Variants in UBE2E1 observed in about 807,000 individuals in gnomAD.
UBE2E1 encodes the protein ubiquitin-conjugating enzyme E2 E1.
UBE2E1 carries 6 observed loss-of-function variants against 21.4 expected under a neutral mutation model. That is an observed-to-expected ratio of 0.28 (90% CI 0.15 to 0.55). The LOEUF (loss-of-function observed/expected upper bound fraction) is 0.55. UBE2E1 is among the 20% of genes least tolerant of loss of function. UBE2E1 has a pLI of 0.93. For synonymous variants in UBE2E1, 87 were observed against 82.7 expected (o/e 1.05, Z -0.28); for missense variants, 142 against 236.5 (o/e 0.60, Z 2.62).
chr3:23,874,738 T>C (rs1408955589), intron 3 of UBE2E1, among the ~76,000 whole-genome samples: 3 of 152,182 alleles, frequency 2.0e-5, no homozygotes, highest in African/African-American at 4.8e-5. Flanking sequence ...TGGATCCACC[T>C]TTATCCTGAC....
At chr3:23,833,032 T>TCC (rs1166995849) in intron 3 of UBE2E1, among the ~76,000 whole-genome samples, 1 of 152,150 alleles carries the variant, frequency 6.6e-6, no homozygotes, top group African/African-American at 2.4e-5. Flanking sequence ...AGACCCTGTC[T>TCC]CAAAAAGTGG....
At chr3:23,848,287 G>A (rs1700249944) in intron 3 of UBE2E1, among the ~76,000 whole-genome samples, 2 of 152,132 alleles carry the variant, frequency 1.3e-5, no homozygotes, top group South Asian at 4.1e-4. Context: ...TGGCCAACAT[G>A]ATGAAACCTT....
At chr3:23,869,387 A>G (rs1009872500) in intron 3 of UBE2E1, among the ~76,000 whole-genome samples, 1 of 105,066 alleles carries the variant, frequency 9.5e-6, no homozygotes, top group Non-Finnish European at 1.7e-5. Flanking sequence ...AGGATTTTCA[A>G]TTTTTATGTA....
chr3:23,821,494 A>G (rs1453195231), intron 3 of UBE2E1, among the ~76,000 whole-genome samples: 1 of 152,190 alleles, frequency 6.6e-6, no homozygotes, highest in Non-Finnish European at 1.5e-5. Flanking sequence ...GCTGCATGGA[A>G]AATAGCTGGG....
chr3:23,821,162 C>G (rs1439565417), intron 3 of UBE2E1, among the ~76,000 whole-genome samples: 2 of 152,170 alleles, frequency 1.3e-5, no homozygotes, highest in Admixed American at 1.3e-4. Flanking sequence ...GTAGACAGTG[C>G]AAACAGCAGC....
intron 3 of UBE2E1, among the ~76,000 whole-genome samples, chr3:23,886,655 TTC>T (rs1280620951): frequency 6.6e-6 from 1 of 152,210 alleles, no homozygotes; most frequent in Non-Finnish European, 1.5e-5. Context: ...TCTTCATCTC[TTC>T]TGTCTCTTAA....
rs151072856 is a variant in UBE2E1 at position 23,826,166 on chromosome 3, A to G, written c.203+14656A>G. 1.7e-4 allele frequency among the ~76,000 whole-genome samples: 26 copies of G among 152,342 alleles called. No individual in the cohort carries two copies. The East Asian group carries it at 5.0e-3, about 29-fold the overall frequency. On this transcript the variant is annotated intron_variant, in intron 3 of 5. Coordinates refer to ENST00000306627, the MANE Select transcript of UBE2E1 (RefSeq NM_003341.5). ...TATGCAGTTTTACTGACCTTTATGT[A>G]ACAGTTCTATTATATCTAGATATCT... is the stretch of plus-strand genomic sequence containing the variant.
Position 23,842,490 on chromosome 3 carries a change from T to C in UBE2E1, c.203+30980T>C. Among the ~76,000 whole-genome samples, 1 of 152,150 alleles carries C rather than the reference T, an allele frequency of 6.6e-6. No homozygotes were observed. Among genetic ancestry groups the C allele is most frequent in the Admixed American group, 6.6e-5 (1 of 15,264 alleles). The stretch of plus-strand genomic sequence containing the variant: ...TTCGTTTTTCTTTGAAGAATATACC[T>C]TTTTATTTTATTATCATTTGCTATA... On this transcript the variant is annotated intron_variant, in intron 3 of 5. Coordinates refer to ENST00000306627, the MANE Select transcript of UBE2E1 (RefSeq NM_003341.5). This position sits in a 1 kb window ranked among gnomAD's most constrained non-coding sequence, Gnocchi z 4.6.
intron 3 of UBE2E1, among the ~76,000 whole-genome samples, chr3:23,880,693 A>G (rs1701018128): frequency 6.6e-6 from 1 of 152,222 alleles, no homozygotes; most frequent in Non-Finnish European, 1.5e-5. Context: ...AGTCTGTAAT[A>G]AGTCTGTACT....
chr3:23,834,494 C>A (rs1267236353), intron 3 of UBE2E1, among the ~76,000 whole-genome samples: 2 of 152,196 alleles, frequency 1.3e-5, no homozygotes, highest in African/African-American at 4.8e-5. Flanking sequence ...TTCTAACCTT[C>A]CTTCCTCCTG....
rs1440951030 is a variant in UBE2E1, at chr3:23,807,047, G to T, written c.-33-190G>T. 5 of 459,978 alleles carry T rather than the reference G, an allele frequency of 1.1e-5. No individual in the cohort carries two copies. In the East Asian group the frequency reaches 1.7e-4, roughly 16 times the overall value. The allele number at this position is 459,978 out of a possible 1,614,324, so 28.5% of individuals were successfully genotyped here. A position where few individuals can be genotyped will look rare whatever the true frequency, so the allele number is the denominator to read the frequency against. ...GTTTTCCCACAGCGTTCCCCACTTG[G>T]GGCCAAAAATAAACAAGCCGCGTCC... is the stretch of plus-strand genomic sequence containing the variant. On this transcript the variant is annotated intron_variant, in intron 1 of 5. Transcript: ENST00000306627.
chr3:23,835,081 C>G (rs1699949607), intron 3 of UBE2E1, among the ~76,000 whole-genome samples: 1 of 152,260 alleles, frequency 6.6e-6, no homozygotes, highest in African/African-American at 2.4e-5. Context: ...TTGAGTTAAC[C>G]TGATCACCTA....
At chr3:23,828,284 C>T (rs1439841915) in intron 3 of UBE2E1, among the ~76,000 whole-genome samples, 3 of 152,156 alleles carry the variant, frequency 2.0e-5, no homozygotes, top group Non-Finnish European at 2.9e-5. Flanking sequence ...ATCACAGAAA[C>T]ATGTAGGCTG....
chr3:23,826,088 T>G (rs1699752824), intron 3 of UBE2E1, among the ~76,000 whole-genome samples: 1 of 152,188 alleles, frequency 6.6e-6, no homozygotes, highest in South Asian at 2.1e-4. Context: ...TTGAAAAAAT[T>G]GTATTAAAAA....
intron 3 of UBE2E1, among the ~76,000 whole-genome samples, chr3:23,840,195 A>C (rs2125299669): frequency 6.6e-6 from 1 of 152,200 alleles, no homozygotes. Flanking sequence ...GGTATTTATC[A>C]TTTTAAATTT....
intron 3 of UBE2E1, among the ~76,000 whole-genome samples, chr3:23,861,070 A>G (rs1450701178): frequency 1.3e-5 from 2 of 152,248 alleles, no homozygotes; most frequent in South Asian, 2.1e-4. Context: ...CACAGGCCAG[A>G]AAAAGACAGT....
In UBE2E1 at chr3:23,810,427, A is replaced by G. The variant is rs1471381192; in HGVS notation, c.153-1033A>G. ...AAGTCGAGGGTTGGTGCGGAGGGAGAAAACTGCAGGTCTCCAGTCTATCCC... is the reference window on the plus strand; with the variant it reads ...AAGTCGAGGGTTGGTGCGGAGGGAGGAAACTGCAGGTCTCCAGTCTATCCC... On this transcript the variant is annotated intron_variant, in intron 2 of 5. Coordinates refer to ENST00000306627, the MANE Select transcript of UBE2E1 (RefSeq NM_003341.5). This position sits in a 1 kb window ranked among gnomAD's most constrained non-coding sequence, Gnocchi z 5.8. The G allele has an allele frequency of 1.3e-6, 2 of 1,535,108 alleles. No homozygotes were observed. Among genetic ancestry groups the G allele is most frequent in the Non-Finnish European group, 1.7e-6 (2 of 1,146,298 alleles).
intron 3 of UBE2E1, among the ~76,000 whole-genome samples, chr3:23,821,206 A>G (rs1413440943): frequency 2.0e-5 from 3 of 152,256 alleles, no homozygotes; most frequent in Admixed American, 6.5e-5. Flanking sequence ...TGTAATGGCT[A>G]GTAGGAAAGA....
At chr3:23,864,678 T>C (rs1237850265) in intron 3 of UBE2E1, among the ~76,000 whole-genome samples, 1 of 152,262 alleles carries the variant, frequency 6.6e-6, no homozygotes, top group Non-Finnish European at 1.5e-5. Context: ...CTCCCTATAA[T>C]TTCTGTTTTC....
Sources: allele counts gnomAD v4.1 joint callset (sites outside exome capture counted in the v4.1 genomes callset), GRCh38; gene constraint gnomAD v4.1.1; non-coding constraint Gnocchi (gnomAD v3.1); transcripts MANE v1.5; gene names NCBI Gene and HGNC (gene_info 2026-07-23, HGNC 2026-07-21).